PKNOX1: variants seen among roughly 807,000 people sequenced by gnomAD.
The protein encoded by PKNOX1 is homeobox protein PKNOX1.
Under a neutral mutation model 51.9 loss-of-function variants are expected in PKNOX1, and 15 were observed. The observed-to-expected ratio is 0.29, with a 90% CI of 0.19 to 0.45. PKNOX1 has a LOEUF of 0.45. PKNOX1 is among the 20% of genes least tolerant of loss of function. The probability of loss-of-function intolerance (pLI) is 1.00; values close to 1 mark genes in which losing one functional copy is unlikely to be tolerated. For synonymous variants in PKNOX1, 219 were observed against 211.1 expected, an observed-to-expected ratio of 1.04 and a Z score of -0.32; for missense variants, 462 against 547.5, an observed-to-expected ratio of 0.84 and a Z score of 1.56.
intron 8 of PKNOX1, chr21:43,024,394 A>T (rs1979900119): frequency 6.6e-6 from 1 of 152,542 alleles, no homozygotes; most frequent in African/African-American, 2.4e-5. Flanking sequence ...GAATCAGTGA[A>T]TTATTATAGA....
Position 43,010,201 on chromosome 21 carries a change from G to A in PKNOX1, c.328G>A (p.Glu110Lys). The change falls in exon 4 of 11, where the codon GAA becomes AAA. Residue 110 changes from glutamate (E) to lysine (K), a missense_variant. Around this residue, in one of 5 missense-constraint regions of PKNOX1, gnomAD observed 129 missense variants for 133.4 expected, o/e 0.97. Transcript: ENST00000291547. ...GAAGGAAGGGAAACCTTTCTTTTGT[G>A]AAGATCCAGAAACTGATAATTTAGT... Reference protein sequence around the residue: ...QEKEGKPFFCEDPETDNLMVK... With the variant: ...QEKEGKPFFCKDPETDNLMVK... 6.4e-7 allele frequency: 1 copy of A among 1,571,956 alleles called. No homozygotes were observed. The highest frequency in any genetic ancestry group is 1.4e-5 in the African/African-American group (1 of 73,300).
At chr21:43,018,315 C>T (rs1220196286) in intron 7 of PKNOX1, 85 bp downstream of exon 7, 2 of 809,214 alleles carry the variant, frequency 2.5e-6, no homozygotes, top group African/African-American at 1.7e-5. Flanking sequence ...GCCCTTCCCT[C>T]TGCCTGAAGA....
chr21:43,020,216 A>T (rs1297471203), intron 7 of PKNOX1, among the ~76,000 whole-genome samples: 1 of 152,228 alleles, frequency 6.6e-6, no homozygotes, highest in Non-Finnish European at 1.5e-5. Flanking sequence ...TACAGGTGTG[A>T]GCCACTGTGC....
intron 3 of PKNOX1, among the ~76,000 whole-genome samples, chr21:43,009,235 G>T (rs1979133334): frequency 6.6e-6 from 1 of 152,032 alleles, no homozygotes; most frequent in Non-Finnish European, 1.5e-5. Context: ...ATCATCTGAG[G>T]TCAGGAGTTT....
At chr21:42,988,360 C>T (rs1383731143) in intron 1 of PKNOX1, among the ~76,000 whole-genome samples, 1 of 152,098 alleles carries the variant, frequency 6.6e-6, no homozygotes, top group Non-Finnish European at 1.5e-5. Context: ...GCCCTCAGTT[C>T]TTACTTGGAC....
At position 43,031,165 on chromosome 21, in the gene PKNOX1, ATATGT is replaced by A. The variant is rs1007124105; in HGVS notation, c.*1069_*1073del. 2 of 152,684 alleles carry A rather than the reference ATATGT, an allele frequency of 1.3e-5. No individual in the cohort carries two copies. Among genetic ancestry groups the A allele is most frequent in the African/African-American group, 4.8e-5 (2 of 41,468 alleles). The allele number at this position is 152,684 out of a possible 1,614,324, so 9.5% of individuals were successfully genotyped here. ...TTGTTTTAAAAGTTTTAACTTCAAA[ATATGT>A]TATGCACAGAATGTTTATTATAAAC... On this transcript the variant is annotated 3_prime_UTR_variant, in exon 11 of 11. Coordinates refer to ENST00000291547, the MANE Select transcript of PKNOX1 (RefSeq NM_004571.5).
At chr21:43,007,284 A>G (rs1055105853) in intron 2 of PKNOX1, among the ~76,000 whole-genome samples, 7 of 152,200 alleles carry the variant, frequency 4.6e-5, no homozygotes, top group Non-Finnish European at 7.3e-5. Context: ...GACATTGGTT[A>G]TCTCAGTTCT....
chr21:43,017,078 C>A, intron 6 of PKNOX1, 71 bp downstream of exon 6: 1 of 980,902 alleles, frequency 1.0e-6, no homozygotes, highest in Non-Finnish European at 1.6e-6. Context: ...GTTAGAATGA[C>A]AGTATAAATA....
chr21:42,984,367 A>G (rs901853439), intron 1 of PKNOX1, among the ~76,000 whole-genome samples: 1 of 151,990 alleles, frequency 6.6e-6, no homozygotes, highest in African/African-American at 2.4e-5. Flanking sequence ...GGTCTCATAC[A>G]CTTTTGTGAG....
Position 43,007,545 on chromosome 21 carries a change from G to C in PKNOX1, c.106G>C (p.Asp36His). 3 of 1,613,924 alleles carry C rather than the reference G, an allele frequency of 1.9e-6. No homozygotes were observed. Among genetic ancestry groups the C allele is most frequent in the Non-Finnish European group, 2.5e-6 (3 of 1,179,812 alleles). The stretch of plus-strand genomic sequence containing the variant: ...ACAAGATCCAAACTGCTCTGAACCC[G>C]ATGCAGAAGGAGTGAGCCCTCCCCC... Reference protein sequence around the residue: ...TEQDPNCSEPDAEGVSPPPVE... With the variant: ...TEQDPNCSEPHAEGVSPPPVE... The change falls in exon 3 of 11, where the codon GAT (aspartate) becomes CAT (histidine). Residue 36 changes from aspartate (D) to histidine (H), a missense_variant. Asp to His is a moderately conservative substitution (Grantham distance 81). Transcript: ENST00000291547.
intron 7 of PKNOX1, among the ~76,000 whole-genome samples, chr21:43,019,963 C>T (rs1238840632): frequency 3.7e-5 from 5 of 136,942 alleles, no homozygotes; most frequent in Non-Finnish European, 7.6e-5. Flanking sequence ...GAGACGGTCT[C>T]GCTCTGTTAC....
chr21:43,032,337 T>TCATCCCTCACCACCCTC lies in PKNOX1; in HGVS notation c.*2237_*2238insATCCCTCACCACCCTCC. On this transcript the variant is annotated 3_prime_UTR_variant, in exon 11 of 11. Transcript: ENST00000291547. ...CCTTCCCTCACCACCCTCCGTCTCT[T>TCATCCCTCACCACCCTC]CGGCTGCTTGCTCTTTAGTGTAGAT... is the stretch of plus-strand genomic sequence containing the variant. 7.5e-6 allele frequency: 3 copies of TCATCCCTCACCACCCTC among 397,932 alleles called. No individual in the cohort carries two copies. Among genetic ancestry groups the TCATCCCTCACCACCCTC allele is most frequent in the Non-Finnish European group, 5.1e-6 (1 of 195,650 alleles). 24.7% of individuals were successfully genotyped at this position (397,932 alleles called of 1,614,324 possible). A position where few individuals can be genotyped will look rare whatever the true frequency, so the allele number is the denominator to read the frequency against.
intron 7 of PKNOX1, among the ~76,000 whole-genome samples, chr21:43,018,474 CCA>C (rs555017462): frequency 0.025 from 356 of 14,446 alleles, 109 homozygotes; most frequent in South Asian, 0.056. Flanking sequence ...CCCCTGCCAC[CCA>C]CACACACACA....
At chr21:43,014,805 C>T (rs1327155583) in intron 5 of PKNOX1, among the ~76,000 whole-genome samples, 2 of 152,226 alleles carry the variant, frequency 1.3e-5, no homozygotes, top group African/African-American at 2.4e-5. Flanking sequence ...ACATTGTTTC[C>T]TCCCACCCTG....
chr21:43,002,314 C>G (rs1352751787), intron 1 of PKNOX1, among the ~76,000 whole-genome samples: 3 of 152,112 alleles, frequency 2.0e-5, no homozygotes, highest in African/African-American at 7.2e-5. Context: ...ACATGCCCTC[C>G]CCTCCCAGGC....
intron 2 of PKNOX1, among the ~76,000 whole-genome samples, chr21:43,006,143 A>G (rs1336132472): frequency 2.0e-5 from 3 of 151,472 alleles, no homozygotes; most frequent in Non-Finnish European, 4.4e-5. Flanking sequence ...ATTTATTTTG[A>G]GACAGAGTCT....
At chr21:42,977,215 T>C (rs1307144672) in intron 1 of PKNOX1, among the ~76,000 whole-genome samples, 1 of 152,210 alleles carries the variant, frequency 6.6e-6, no homozygotes, top group Admixed American at 6.5e-5. Context: ...ATTTTCAGAA[T>C]GGTCAAAGAC....
chr21:43,029,807 G>A (rs234733), intron 10 of PKNOX1, 83 bp from the exon 11 acceptor site: 320,756 of 1,160,646 alleles, frequency 0.28, 47,718 homozygotes, highest in Non-Finnish European at 0.3. Context: ...TAGGTCAAAC[G>A]AGCAAACAGC....
intron 1 of PKNOX1, among the ~76,000 whole-genome samples, chr21:42,983,756 A>G (rs2059037985): frequency 6.6e-6 from 1 of 152,068 alleles, no homozygotes. Flanking sequence ...TTTTAATTTA[A>G]TTTATTTTTT....
Sources: allele counts gnomAD v4.1 joint callset (sites outside exome capture counted in the v4.1 genomes callset), GRCh38; gene constraint gnomAD v4.1.1; regional missense constraint gnomAD v4.1.1; transcripts MANE v1.5; gene names NCBI Gene and HGNC (gene_info 2026-07-23, HGNC 2026-07-21).